The following SYNPO2 variants were observed in gnomAD, a reference collection of about 807,000 sequenced individuals.
The protein encoded by SYNPO2 is synaptopodin 2.
SYNPO2 carries 56 observed loss-of-function variants against 85.0 expected under a neutral mutation model. That is an observed-to-expected ratio of 0.66 (90% CI 0.53 to 0.82). The LOEUF (loss-of-function observed/expected upper bound fraction) is 0.82. Ranked by LOEUF, SYNPO2 falls within the 40% of genes least tolerant of loss-of-function variation. The pLI, the probability that SYNPO2 is intolerant of heterozygous loss-of-function variation, is 0.00. For missense variants in SYNPO2, 1,575 were observed against 1,534.2 expected, an observed-to-expected ratio of 1.03 and a Z score of -0.44; for synonymous variants, 602 against 591.1, an observed-to-expected ratio of 1.02 and a Z score of -0.27.
chr4:118,944,820 C>A (rs767112086), intron 1 of SYNPO2, among the ~76,000 whole-genome samples: 32 of 151,768 alleles, frequency 2.1e-4, no homozygotes, highest in Admixed American at 4.6e-4. Flanking sequence ...TGAAAAATAC[C>A]CAGTGGTGGA....
chr4:118,986,691 C>T (rs1323841181), intron 1 of SYNPO2, among the ~76,000 whole-genome samples: 1 of 152,118 alleles, frequency 6.6e-6, no homozygotes, highest in African/African-American at 2.4e-5. Flanking sequence ...CACGACTGGC[C>T]GCAGGGAGCA....
intron 1 of SYNPO2, among the ~76,000 whole-genome samples, chr4:118,876,667 CTCTTTCTTTCTTTCTTT>C (rs1731918528): frequency 2.0e-4 from 22 of 112,092 alleles, no homozygotes; most frequent in African/African-American, 7.5e-4. Context: ...TCCTTCCTTT[CTCTTTCTTTCTTTCTTT>C]CTTTCTTTCT....
At chr4:119,009,671 C>T (rs973731686) in intron 1 of SYNPO2, among the ~76,000 whole-genome samples, 8 of 152,122 alleles carry the variant, frequency 5.3e-5, no homozygotes, top group African/African-American at 1.4e-4. Flanking sequence ...CCCAGGTTCC[C>T]GCTTCTAAGA....
chr4:118,900,558 T>A (rs1400205366), intron 1 of SYNPO2, among the ~76,000 whole-genome samples: 1 of 151,940 alleles, frequency 6.6e-6, no homozygotes, highest in Non-Finnish European at 1.5e-5. Flanking sequence ...TGACCTCCTG[T>A]AGCATTTTTG....
chr4:119,053,433 A>C (rs781600325), intron 4 of SYNPO2, among the ~76,000 whole-genome samples: 27 of 152,208 alleles, frequency 1.8e-4, no homozygotes, highest in Non-Finnish European at 3.5e-4. Flanking sequence ...CATGTTCGTC[A>C]GTCTGGGGAA....
intron 1 of SYNPO2, among the ~76,000 whole-genome samples, chr4:118,939,583 A>G (rs1734231976): frequency 6.6e-6 from 1 of 152,192 alleles, no homozygotes; most frequent in South Asian, 2.1e-4. Flanking sequence ...AGTAATGCCT[A>G]TCCACGTATG....
intron 1 of SYNPO2, among the ~76,000 whole-genome samples, chr4:118,858,958 A>T (rs1168034498): frequency 6.6e-6 from 1 of 152,200 alleles, no homozygotes; most frequent in Non-Finnish European, 1.5e-5. Context: ...TCCCATGATA[A>T]GTAGTGGAGG....
intron 1 of SYNPO2, among the ~76,000 whole-genome samples, chr4:118,954,942 A>G (rs890094745): frequency 9.2e-5 from 14 of 152,058 alleles, no homozygotes; most frequent in African/African-American, 3.4e-4. Flanking sequence ...CCAAGCCCAT[A>G]CAGGTAATAA....
At chr4:118,938,593 T>C (rs148265505) in intron 1 of SYNPO2, among the ~76,000 whole-genome samples, 2 of 152,312 alleles carry the variant, frequency 1.3e-5, no homozygotes, top group African/African-American at 4.8e-5. Context: ...AGAACAGTGC[T>C]ACAAAAATTG....
chr4:118,934,985 AAATATT>A (rs1734053260), intron 1 of SYNPO2, among the ~76,000 whole-genome samples: 1 of 152,180 alleles, frequency 6.6e-6, no homozygotes, highest in Admixed American at 6.5e-5. Context: ...GTATATATTA[AAATATT>A]AATAGTTAAG....
In SYNPO2 at chr4:119,057,753, C is replaced by T. The variant is rs1445227597; in HGVS notation, c.3605C>T (p.Thr1202Ile). The T allele has an allele frequency of 3.2e-5, 52 of 1,614,012 alleles. No individual in the cohort carries two copies. Among genetic ancestry groups the T allele is most frequent in the Non-Finnish European group, 3.6e-5 (42 of 1,180,036 alleles). The change falls in exon 5 of 5, where the codon ACA (threonine) becomes ATA (isoleucine). Residue 1202 changes from threonine to isoleucine, a missense_variant. Coordinates refer to ENST00000307142, the MANE Select transcript of SYNPO2 (RefSeq NM_133477.3). ...GSCGRQEYNV[T>I]ANNNMSTTSQ... ...TGTGGAAGGCAAGAGTATAATGTCA[C>T]AGCCAATAATAATATGTCCACCACC...
chr4:118,948,129 C>T (rs545907528), intron 1 of SYNPO2, among the ~76,000 whole-genome samples: 49 of 152,212 alleles, frequency 3.2e-4, no homozygotes, highest in African/African-American at 1.1e-3. Flanking sequence ...TTTGGTGTTG[C>T]GCTCTGTCTG....
In SYNPO2 at chr4:118,940,960, C is replaced by T. The variant is rs933071613; in HGVS notation, c.105+51819C>T. ...TCCCTCTTTCAGGGTCATCTCATAGCTGCCGTTACTGTTCCTTGTAAGTGA... is the reference window on the plus strand; with the variant it reads ...TCCCTCTTTCAGGGTCATCTCATAGTTGCCGTTACTGTTCCTTGTAAGTGA... On this transcript the variant is annotated intron_variant, in intron 1 of 4. Coordinates refer to ENST00000307142, the MANE Select transcript of SYNPO2 (RefSeq NM_133477.3). Among the ~76,000 whole-genome samples, 136 of 152,320 alleles carry T rather than the reference C, an allele frequency of 8.9e-4. 1 individual carries two copies. Among genetic ancestry groups the T allele is most frequent in the African/African-American group, 3.1e-3 (130 of 41,588 alleles).
chr4:118,905,816 C>T (rs866640915), intron 1 of SYNPO2, among the ~76,000 whole-genome samples: 4 of 152,160 alleles, frequency 2.6e-5, no homozygotes, highest in Non-Finnish European at 1.5e-5. Flanking sequence ...GCTCAGTGTC[C>T]TGGAGCCACG....
chr4:118,871,507 AC>A (rs1381026005), intron 1 of SYNPO2, among the ~76,000 whole-genome samples: 1 of 151,340 alleles, frequency 6.6e-6, no homozygotes, highest in Non-Finnish European at 1.5e-5. Flanking sequence ...GGAGATTTGG[AC>A]CTTGTCTGAC....
At chr4:118,871,337 C>T (rs531008230) in intron 1 of SYNPO2, among the ~76,000 whole-genome samples, 1 of 151,692 alleles carries the variant, frequency 6.6e-6, no homozygotes, top group Admixed American at 6.6e-5. Context: ...AGGAGTGACT[C>T]CATAGTGCCC....
intron 1 of SYNPO2, among the ~76,000 whole-genome samples, chr4:118,855,372 C>T (rs1731487024): frequency 6.6e-6 from 1 of 152,016 alleles, no homozygotes; most frequent in Non-Finnish European, 1.5e-5. Context: ...GAAATAATTA[C>T]TCTCAATGGA....
intron 1 of SYNPO2, among the ~76,000 whole-genome samples, chr4:118,999,599 GCATGTATT>G (rs1290025491): frequency 2.7e-5 from 4 of 150,596 alleles, no homozygotes; most frequent in Non-Finnish European, 4.5e-5. Context: ...ATGTATGTAT[GCATGTATT>G]TATTTATGTA....
At chr4:119,041,295 C>T (rs550756905) in intron 4 of SYNPO2, among the ~76,000 whole-genome samples, 2 of 152,278 alleles carry the variant, frequency 1.3e-5, no homozygotes, top group South Asian at 2.1e-4. Flanking sequence ...CAAAACTAGG[C>T]CTCTTACTGT....
Sources: allele counts gnomAD v4.1 joint callset (sites outside exome capture counted in the v4.1 genomes callset), GRCh38; gene constraint gnomAD v4.1.1; transcripts MANE v1.5; gene names NCBI Gene and HGNC (gene_info 2026-07-23, HGNC 2026-07-21).